The following JPH2 variants were observed in gnomAD, a reference collection of about 807,000 sequenced individuals.
JPH2 encodes the protein junctophilin 2, also known as junctophilin-2.
In JPH2, 38 loss-of-function variants were observed where a neutral mutation model predicts 55.9. The observed-to-expected ratio is 0.68, with a 90% CI of 0.52 to 0.89. The LOEUF (loss-of-function observed/expected upper bound fraction) is 0.89, where lower values mean the gene tolerates loss of function less well. JPH2 is among the 40% of genes least tolerant of loss of function. The pLI is 0.00. For synonymous variants in JPH2, 480 were observed against 472.4 expected, an observed-to-expected ratio of 1.02 and a Z score of -0.21; for missense variants, 964 against 1,037.6, an observed-to-expected ratio of 0.93 and a Z score of 0.97.
rs201615229 is a variant in JPH2, at chr20:44,115,654, G to A, written c.2010+11C>T. The A allele has an allele frequency of 1.0e-4, 166 of 1,611,924 alleles. 1 individual carries two copies. In the Admixed American group the frequency reaches 1.9e-3, roughly 19 times the overall value. On this transcript the variant is annotated intron_variant, in intron 4 of 5. Transcript: ENST00000372980. ...ACCCGACCTTAGGCACACCTTGCCC[G>A]ACAGCCTCACCTCTTCCACCTCCAC... is the stretch of plus-strand genomic sequence containing the variant.
In JPH2 at chr20:44,160,111, G is replaced by T. The variant is rs1311537181; in HGVS notation, c.676C>A (p.Leu226Met). 6.6e-7 allele frequency: 1 copy of T among 1,519,978 alleles called. No homozygotes were observed. Among genetic ancestry groups the T allele is most frequent in the Admixed American group, 2.0e-5 (1 of 49,522 alleles). 94.2% of individuals were successfully genotyped at this position (1,519,978 alleles called of 1,614,324 possible). A position where few individuals can be genotyped will look rare whatever the true frequency, so the allele number is the denominator to read the frequency against. ...TCTGCGCGCCGCAGCTTGCCCAGCA[G>T]CGCGCCCCGCTGGAAGAGGCCGCCG... ...KGGGLFQRGA[L>M]LGKLRRAESR... Residue 226 changes from leucine (L) to methionine (M), a missense_variant, in exon 2 of 6, where the codon CTG becomes ATG. Coordinates refer to ENST00000372980, the MANE Select transcript of JPH2 (RefSeq NM_020433.5). This position sits in a 1 kb window ranked among gnomAD's most constrained non-coding sequence, Gnocchi z 4.9.
chr20:44,144,043 G>A (rs1234553729), intron 2 of JPH2, among the ~76,000 whole-genome samples: 2 of 152,282 alleles, frequency 1.3e-5, no homozygotes, highest in South Asian at 2.1e-4. Context: ...AACCAGCCTC[G>A]CCAAGTTCCA....
At chr20:44,185,266 C>T (rs1347894555) in intron 1 of JPH2, among the ~76,000 whole-genome samples, 3 of 152,112 alleles carry the variant, frequency 2.0e-5, no homozygotes, top group Non-Finnish European at 4.4e-5. Context: ...GTGATTGTGC[C>T]ACCGCACTTC....
At chr20:44,149,078 C>A (rs1235249392) in intron 2 of JPH2, among the ~76,000 whole-genome samples, 4 of 145,852 alleles carry the variant, frequency 2.7e-5, no homozygotes, top group African/African-American at 7.7e-5. Context: ...AAAAAAAAAA[C>A]ATTCTCCCTC....
chr20:44,119,312 A>G (rs1231811469), intron 2 of JPH2, among the ~76,000 whole-genome samples: 1 of 152,246 alleles, frequency 6.6e-6, no homozygotes, highest in East Asian at 1.9e-4. Flanking sequence ...TGAGATTTCT[A>G]TTGGTGACAA....
Position 44,159,466 on chromosome 20 carries a change from C to G in JPH2, c.1169+152G>C. ...GGATGGGTGAGTGAACAGGAGCCAC[C>G]AGCTCCCGAAGAGCCTCCAATTAAC... On this transcript the variant is annotated intron_variant, in intron 2 of 5. Coordinates refer to ENST00000372980, the MANE Select transcript of JPH2 (RefSeq NM_020433.5). This position sits in a 1 kb window ranked among gnomAD's most constrained non-coding sequence, Gnocchi z 5.7. 2 of 766,070 alleles carry G rather than the reference C, an allele frequency of 2.6e-6. No homozygotes were observed. 47.5% of individuals were successfully genotyped at this position (766,070 alleles called of 1,614,324 possible).
At chr20:44,143,605 T>G (rs1236740268) in intron 2 of JPH2, among the ~76,000 whole-genome samples, 1 of 152,192 alleles carries the variant, frequency 6.6e-6, no homozygotes, top group Non-Finnish European at 1.5e-5. Context: ...GCAATGCCTG[T>G]CCTTCTTCCT....
chr20:44,171,510 T>C (rs1055175435), intron 1 of JPH2, among the ~76,000 whole-genome samples: 20 of 152,168 alleles, frequency 1.3e-4, no homozygotes, highest in African/African-American at 4.8e-4. Context: ...AGCTCCTCAC[T>C]GTGACCCACA....
intron 1 of JPH2, among the ~76,000 whole-genome samples, chr20:44,170,456 C>G (rs2072689171): frequency 6.6e-6 from 1 of 152,194 alleles, no homozygotes; most frequent in African/African-American, 2.4e-5. Context: ...AAATTTCAGA[C>G]AGTGTTTAAG....
In JPH2 at chr20:44,160,425, G is replaced by C. The variant is rs559155501; in HGVS notation, c.380-18C>G. 1.2e-6 allele frequency: 2 copies of C among 1,606,896 alleles called. No homozygotes were observed. Among genetic ancestry groups the C allele is most frequent in the South Asian group, 2.2e-5 (2 of 89,836 alleles). On this transcript the variant is annotated intron_variant, in intron 1 of 5. Transcript: ENST00000372980. The surrounding 1 kb of genome is among the most constrained non-coding windows in gnomAD (Gnocchi z 4.9). ...GTACGTCCCTGCGGGCGAGGAGAGG[G>C]CGCGTCAGTAGGCGGCACGACGGGT...
intron 1 of JPH2, among the ~76,000 whole-genome samples, chr20:44,170,076 A>G (rs1029354302): frequency 3.3e-5 from 5 of 152,202 alleles, no homozygotes; most frequent in Non-Finnish European, 5.9e-5. Context: ...AGACTAACAC[A>G]CTGGAGAACT....
chr20:44,145,893 G>A (rs999930215), intron 2 of JPH2, among the ~76,000 whole-genome samples: 1 of 152,000 alleles, frequency 6.6e-6, no homozygotes, highest in Non-Finnish European at 1.5e-5. Context: ...TGAGCACGTT[G>A]GGCCTCCTCT....
At chr20:44,165,699 C>G (rs996101223) in intron 1 of JPH2, among the ~76,000 whole-genome samples, 1 of 152,160 alleles carries the variant, frequency 6.6e-6, no homozygotes, top group Admixed American at 6.5e-5. Flanking sequence ...ACTCTAGCCA[C>G]GAAGACTGCT....
intron 2 of JPH2, among the ~76,000 whole-genome samples, chr20:44,119,396 T>C (rs35878236): frequency 0.03 from 4,506 of 152,330 alleles, 97 homozygotes; most frequent in Non-Finnish European, 0.045. Flanking sequence ...ACATTTCAGT[T>C]GGAGTTAATA....
At chr20:44,162,190 C>T (rs933677357) in intron 1 of JPH2, among the ~76,000 whole-genome samples, 3 of 152,038 alleles carry the variant, frequency 2.0e-5, no homozygotes, top group Non-Finnish European at 4.4e-5. Flanking sequence ...ACCAAAAGGT[C>T]TTCCTGCTAA....
At chr20:44,116,513 T>G in intron 3 of JPH2, 127 bp from the exon 4 acceptor site, 3 of 1,041,548 alleles carry the variant, frequency 2.9e-6, no homozygotes, top group Non-Finnish European at 4.2e-6. Context: ...ACTGACCAAG[T>G]GCCAGGCACT....
At chr20:44,148,717 G>A (rs2867797) in intron 2 of JPH2, among the ~76,000 whole-genome samples, 119,042 of 151,756 alleles carry the variant, frequency 0.78, 48,049 homozygotes, top group Non-Finnish European at 0.88. Flanking sequence ...CAAGCCCCCT[G>A]ATTCAACACC....
At chr20:44,167,315 A>C (rs1011850877) in intron 1 of JPH2, among the ~76,000 whole-genome samples, 1 of 152,206 alleles carries the variant, frequency 6.6e-6, no homozygotes, top group African/African-American at 2.4e-5. Flanking sequence ...TAAGATGCTA[A>C]GCTCCTGGCA....
intron 2 of JPH2, among the ~76,000 whole-genome samples, chr20:44,148,539 C>CTGCTGA (rs1224558630): frequency 3.9e-5 from 6 of 152,168 alleles, no homozygotes; most frequent in African/African-American, 1.4e-4. Flanking sequence ...CGTTTCTTTC[C>CTGCTGA]CACCTGCTGA....
Sources: allele counts gnomAD v4.1 joint callset (sites outside exome capture counted in the v4.1 genomes callset), GRCh38; gene constraint gnomAD v4.1.1; non-coding constraint Gnocchi (gnomAD v3.1); transcripts MANE v1.5; gene names NCBI Gene and HGNC (gene_info 2026-07-23, HGNC 2026-07-21).